DKK2: variants seen among roughly 807,000 people sequenced by gnomAD.
The protein encoded by DKK2 is dickkopf Wnt signaling pathway inhibitor 2.
DKK2 carries 11 observed loss-of-function variants against 28.1 expected under a neutral mutation model. The ratio of observed to expected loss-of-function variants is 0.39; its 90% CI spans 0.25 to 0.65. The LOEUF (loss-of-function observed/expected upper bound fraction) is 0.65. Ranked by LOEUF, DKK2 falls within the 30% of genes least tolerant of loss-of-function variation. The pLI, the probability that DKK2 is intolerant of heterozygous loss-of-function variation, is 0.47. For missense variants in DKK2, 326 were observed against 335.5 expected, an observed-to-expected ratio of 0.97 and a Z score of 0.22; for synonymous variants, 135 against 126.5, an observed-to-expected ratio of 1.07 and a Z score of -0.45.
chr4:107,021,722 C>T (rs777520575), intron 1 of DKK2, among the ~76,000 whole-genome samples: 1 of 152,104 alleles, frequency 6.6e-6, no homozygotes, highest in Non-Finnish European at 1.5e-5. Flanking sequence ...TAGAATCAGA[C>T]CTTCTCAGGG....
At chr4:107,016,699 C>T (rs961576801) in intron 1 of DKK2, among the ~76,000 whole-genome samples, 2 of 151,736 alleles carry the variant, frequency 1.3e-5, no homozygotes, top group African/African-American at 4.8e-5. Context: ...AAGGGGCTTC[C>T]TTAATGGTCT....
chr4:106,925,963 G>A lies in DKK2; in HGVS notation c.223-14C>T, dbSNP rs143201685. The stretch of plus-strand genomic sequence containing the variant: ...ACAAGGGTAGGCCTGTCATCAAGTG[G>A]AACAACACCAGAAGTAAAGGATTAG... On this transcript the variant is annotated splice_polypyrimidine_tract_variant and intron_variant, in intron 1 of 3. Coordinates refer to ENST00000285311, the MANE Select transcript of DKK2 (RefSeq NM_014421.3). 111 of 1,590,530 alleles carry A rather than the reference G, an allele frequency of 7.0e-5. No homozygotes were observed. In the African/African-American group the frequency reaches 1.2e-3, roughly 17 times the overall value.
At chr4:106,987,866 CT>C (rs397994875) in intron 1 of DKK2, among the ~76,000 whole-genome samples, 470 of 137,890 alleles carry the variant, frequency 3.4e-3, no homozygotes, top group Non-Finnish European at 2.4e-3. Context: ...TTACTCTCTT[CT>C]TTTTTTTTTT....
intron 1 of DKK2, among the ~76,000 whole-genome samples, chr4:106,982,747 A>T (rs1315524250): frequency 6.6e-6 from 1 of 152,080 alleles, no homozygotes; most frequent in Non-Finnish European, 1.5e-5. Context: ...AGAGAAATGC[A>T]CAAAATTTCA....
chr4:106,965,745 CT>C (rs1385645892), intron 1 of DKK2, among the ~76,000 whole-genome samples: 131 of 119,860 alleles, frequency 1.1e-3, no homozygotes, highest in African/African-American at 4.0e-3. Context: ...TCCCTCCCCC[CT>C]CCCCCCACCC....
At chr4:107,020,509 T>C (rs1393793121) in intron 1 of DKK2, among the ~76,000 whole-genome samples, 1 of 152,076 alleles carries the variant, frequency 6.6e-6, no homozygotes, top group African/African-American at 2.4e-5. Flanking sequence ...TTAAGAAGTT[T>C]AGTCTTTCCT....
chr4:106,947,451 C>T (rs1724794920), intron 1 of DKK2, among the ~76,000 whole-genome samples: 1 of 152,048 alleles, frequency 6.6e-6, no homozygotes. Context: ...TGTTTGGCAA[C>T]ACTTCCTAAA....
intron 3 of DKK2, 141 bp from the exon 4 acceptor site, chr4:106,924,345 T>C: frequency 7.6e-7 from 1 of 1,313,882 alleles, no homozygotes; most frequent in Non-Finnish European, 1.0e-6. Flanking sequence ...TCTTGGTTGA[T>C]ACCAATTGGC....
chr4:106,948,332 T>C (rs921884424), intron 1 of DKK2, among the ~76,000 whole-genome samples: 1 of 152,164 alleles, frequency 6.6e-6, no homozygotes, highest in Non-Finnish European at 1.5e-5. Flanking sequence ...AAAATCTATG[T>C]TTCCAAGTGA....
At chr4:106,989,588 C>T (rs1228372421) in intron 1 of DKK2, among the ~76,000 whole-genome samples, 1 of 152,132 alleles carries the variant, frequency 6.6e-6, no homozygotes, top group Non-Finnish European at 1.5e-5. Context: ...ATATCAATTG[C>T]TTAGCAAACA....
intron 1 of DKK2, among the ~76,000 whole-genome samples, chr4:107,021,577 T>C (rs12508812): frequency 0.23 from 34,733 of 151,924 alleles, 4,393 homozygotes; most frequent in East Asian, 0.53. Flanking sequence ...TTTACTGACA[T>C]CTCTCCACCA....
intron 1 of DKK2, among the ~76,000 whole-genome samples, chr4:106,980,047 T>C (rs755153624): frequency 2.0e-5 from 3 of 152,234 alleles, no homozygotes; most frequent in Non-Finnish European, 2.9e-5. Flanking sequence ...TACCAACTTA[T>C]ATTACTGAAA....
intron 1 of DKK2, among the ~76,000 whole-genome samples, chr4:106,988,724 C>A (rs1336270223): frequency 1.3e-5 from 2 of 152,196 alleles, no homozygotes; most frequent in African/African-American, 4.8e-5. Context: ...CACTTTAAGT[C>A]ACAGTCAGAT....
At chr4:107,010,756 C>T (rs1723505181) in intron 1 of DKK2, among the ~76,000 whole-genome samples, 1 of 151,394 alleles carries the variant, frequency 6.6e-6, no homozygotes. Flanking sequence ...TCTAAGGACA[C>T]TGTCAGTCTT....
At chr4:107,034,997 GT>G (rs1456057218) in intron 1 of DKK2, among the ~76,000 whole-genome samples, 1 of 152,200 alleles carries the variant, frequency 6.6e-6, no homozygotes, top group East Asian at 1.9e-4. Context: ...GCTTAGAACT[GT>G]GCCTGGCACG....
At chr4:107,012,647 C>T (rs1472550129) in intron 1 of DKK2, among the ~76,000 whole-genome samples, 1 of 151,150 alleles carries the variant, frequency 6.6e-6, no homozygotes, top group Non-Finnish European at 1.5e-5. Context: ...AGGGTTTTGT[C>T]TTTGTTCTTG....
At chr4:107,029,740 TTTTA>T (rs758705288) in intron 1 of DKK2, among the ~76,000 whole-genome samples, 3 of 152,144 alleles carry the variant, frequency 2.0e-5, no homozygotes, top group Non-Finnish European at 4.4e-5. Flanking sequence ...ATTGTGATAT[TTTTA>T]TTTGTTTTGT....
chr4:106,976,683 T>A (rs1216881247), intron 1 of DKK2, among the ~76,000 whole-genome samples: 1 of 152,208 alleles, frequency 6.6e-6, no homozygotes, highest in East Asian at 1.9e-4. Context: ...GGGTTTTGAC[T>A]CTTTATCCAA....
At chr4:106,926,599 T>G (rs1724429315) in intron 1 of DKK2, among the ~76,000 whole-genome samples, 1 of 152,106 alleles carries the variant, frequency 6.6e-6, no homozygotes. Context: ...AGAGAGATGC[T>G]AAGCTCCAAT....
Sources: gnomAD v4.1 joint callset for allele counts (sites outside exome capture counted in the v4.1 genomes callset) on GRCh38, gnomAD v4.1.1 for gene constraint, MANE v1.5 for transcripts, NCBI Gene and HGNC (gene_info 2026-07-23, HGNC 2026-07-21) for gene names.